Variants in DNAH14 observed in about 807,000 individuals in gnomAD.
DNAH14 encodes dynein axonemal heavy chain 14, also known as axonemal beta dynein heavy chain 14.
Under a neutral mutation model 520.9 loss-of-function variants are expected in DNAH14, and 478 were observed. The ratio of observed to expected loss-of-function variants is 0.92; its 90% CI spans 0.85 to 0.99. The LOEUF (loss-of-function observed/expected upper bound fraction) is 0.99, where lower values mean the gene tolerates loss of function less well. DNAH14 is among the 50% of genes least tolerant of loss of function. DNAH14 has a pLI of 0.00. For synonymous variants in DNAH14, 1,581 were observed against 1,757.2 expected (o/e 0.90, Z 2.51); for missense variants, 4,831 against 5,234.5 (o/e 0.92, Z 2.38).
chr1:225,228,710 T>C (rs905815264), intron 41 of DNAH14, among the ~76,000 whole-genome samples: 1 of 152,146 alleles, frequency 6.6e-6, no homozygotes, highest in East Asian at 1.9e-4. Flanking sequence ...ATACGAGTTA[T>C]AACCACTGCG....
At position 225,082,836 on chromosome 1, in the gene DNAH14, G is replaced by C. The variant is rs577574147; in HGVS notation, c.3327+97G>C. On this transcript the variant is annotated intron_variant, in intron 20 of 85. Transcript: ENST00000682510. ...TATACAATGGATAGGAATTAGGAAA[G>C]GAAGTTTATAAGAGTGCCTGGGAAA... The C allele has an allele frequency of 7.7e-6, 8 of 1,041,598 alleles. No individual in the cohort carries two copies. In the South Asian group the frequency reaches 1.4e-4, roughly 18 times the overall value. The allele number at this position is 1,041,598 out of a possible 1,614,324, so 64.5% of individuals were successfully genotyped here. A position where few individuals can be genotyped will look rare whatever the true frequency, so the allele number is the denominator to read the frequency against.
rs769141352 is a variant in DNAH14 at position 225,265,239 on chromosome 1, A to G, written c.7280A>G (p.Asp2427Gly). The part of the protein sequence containing the change: ...RTNKKLLKNN[D>G]HKGVVVSTIN... ...AATAAAAAGTTACTTAAAAATAATG[A>G]TCATAAAGGAGTTGTAGTCTCTACA... Residue 2427 changes from aspartate to glycine, a missense_variant, in exon 48 of 86, where the codon GAT (aspartate) becomes GGT (glycine). Asp to Gly is a moderately conservative substitution (Grantham distance 94). Coordinates refer to ENST00000682510, the MANE Select transcript of DNAH14 (RefSeq NM_001367479.1). 1 of 1,524,068 alleles carries G rather than the reference A, an allele frequency of 6.6e-7. No individual in the cohort carries two copies. Among genetic ancestry groups the G allele is most frequent in the Middle Eastern group, 1.7e-4 (1 of 5,870 alleles). 94.4% of individuals were successfully genotyped at this position (1,524,068 alleles called of 1,614,324 possible).
intron 68 of DNAH14, among the ~76,000 whole-genome samples, chr1:225,338,551 C>G (rs2095110700): frequency 6.6e-6 from 1 of 152,072 alleles, no homozygotes; most frequent in Non-Finnish European, 1.5e-5. Flanking sequence ...AAAACACACA[C>G]ACACAAAATC....
At chr1:225,080,268 C>A (rs1018048705) in intron 18 of DNAH14, 111 bp from the exon 19 acceptor site, 9 of 1,080,140 alleles carry the variant, frequency 8.3e-6, no homozygotes, top group Non-Finnish European at 8.9e-6. Context: ...CAGTTTCACT[C>A]ACTTATCAGG....
intron 55 of DNAH14, among the ~76,000 whole-genome samples, chr1:225,300,385 T>G (rs1018740340): frequency 6.6e-6 from 1 of 152,148 alleles, no homozygotes; most frequent in Non-Finnish European, 1.5e-5. Context: ...TGAAGCTTAT[T>G]TTGACTCAGA....
intron 37 of DNAH14, among the ~76,000 whole-genome samples, chr1:225,192,065 T>C (rs1402921659): frequency 1.3e-5 from 2 of 152,102 alleles, no homozygotes; most frequent in Non-Finnish European, 1.5e-5. Context: ...CTCAGGTCTT[T>C]GTGCATACAT....
chr1:225,081,833 A>G (rs188461389), intron 19 of DNAH14, among the ~76,000 whole-genome samples: 1 of 152,282 alleles, frequency 6.6e-6, no homozygotes, highest in Non-Finnish European at 1.5e-5. Context: ...GTGGTTTGTC[A>G]ATGCCAGAGG....
At chr1:225,271,473 G>A (rs747913746) in intron 50 of DNAH14, among the ~76,000 whole-genome samples, 14 of 152,008 alleles carry the variant, frequency 9.2e-5, no homozygotes, top group Non-Finnish European at 1.8e-4. Flanking sequence ...ATTTCAAGTT[G>A]AGTCATCTTT....
chr1:225,220,152 A>T (rs1334660769), intron 41 of DNAH14, among the ~76,000 whole-genome samples: 1 of 152,076 alleles, frequency 6.6e-6, no homozygotes, highest in South Asian at 2.1e-4. Context: ...TTGATAGAAC[A>T]TATCTCAAAA....
At chr1:225,377,586 C>T (rs1049129977) in intron 79 of DNAH14, 150 bp downstream of exon 79, 35 of 718,608 alleles carry the variant, frequency 4.9e-5, no homozygotes, top group Admixed American at 6.6e-5. Context: ...ATGGTGAAAC[C>T]CTGTCTCTAC....
chr1:225,348,857 CTT>C (rs578193266), intron 71 of DNAH14, among the ~76,000 whole-genome samples: 4 of 152,140 alleles, frequency 2.6e-5, no homozygotes, highest in Non-Finnish European at 5.9e-5. Flanking sequence ...GTGAATGTAA[CTT>C]AAGTTACAAA....
intron 19 of DNAH14, among the ~76,000 whole-genome samples, chr1:225,081,779 A>G (rs546235372): frequency 1.3e-5 from 2 of 152,124 alleles, no homozygotes; most frequent in Admixed American, 1.3e-4. Context: ...AAAGGTTGTA[A>G]GAGTTGAACC....
intron 8 of DNAH14, 115 bp downstream of exon 8, chr1:224,974,268 T>C: frequency 1.7e-6 from 1 of 598,336 alleles, no homozygotes; most frequent in Non-Finnish European, 2.6e-6. Context: ...TCACATTCCA[T>C]TGCTTTACGA....
rs1575152692 is a variant in DNAH14 at position 225,388,481 on chromosome 1, A to G, written c.13180A>G (p.Ile4394Val). The change falls in exon 82 of 86, where the codon ATA (isoleucine) becomes GTA (valine). Residue 4394 changes from isoleucine to valine, a missense_variant. Ile to Val is a conservative substitution (Grantham distance 29). Coordinates refer to ENST00000682510, the MANE Select transcript of DNAH14 (RefSeq NM_001367479.1). ...NTWAKVAYTA[I>V]QRRYMRFVTV... ...TTGGGCCAAAGTGGCTTATACTGCA[A>G]TACAGCGTCGGTATGGATAAAAGAT... 1 of 1,503,460 alleles carries G rather than the reference A, an allele frequency of 6.7e-7. No individual in the cohort carries two copies. Among genetic ancestry groups the G allele is most frequent in the Non-Finnish European group, 9.0e-7 (1 of 1,108,744 alleles). The allele number at this position is 1,503,460 out of a possible 1,614,324, so 93.1% of individuals were successfully genotyped here.
intron 38 of DNAH14, among the ~76,000 whole-genome samples, chr1:225,196,493 T>A (rs2086151899): frequency 6.6e-6 from 1 of 152,206 alleles, no homozygotes; most frequent in Non-Finnish European, 1.5e-5. Context: ...TGCAAATACC[T>A]TTTTCATGTA....
At chr1:225,236,738 T>C (rs1019855208) in intron 42 of DNAH14, among the ~76,000 whole-genome samples, 13 of 152,206 alleles carry the variant, frequency 8.5e-5, no homozygotes, top group African/African-American at 2.7e-4. Flanking sequence ...AGGAATAGCA[T>C]TGATCTATAA....
intron 55 of DNAH14, among the ~76,000 whole-genome samples, chr1:225,294,674 A>T (rs1212695120): frequency 6.6e-6 from 1 of 152,070 alleles, no homozygotes; most frequent in Non-Finnish European, 1.5e-5. Flanking sequence ...TACAAAAAAA[A>T]TTAGCCTGGT....
chr1:225,057,326 C>T (rs1381342824), intron 17 of DNAH14, among the ~76,000 whole-genome samples: 1 of 151,856 alleles, frequency 6.6e-6, no homozygotes, highest in Admixed American at 6.6e-5. Context: ...TGATTTGGCT[C>T]TCTGTCTGTT....
intron 53 of DNAH14, 42 bp from the exon 54 acceptor site, chr1:225,277,368 C>T: frequency 2.3e-6 from 1 of 441,086 alleles, no homozygotes; most frequent in Non-Finnish European, 4.7e-6. Context: ...TTTGATTTTT[C>T]TGTACCTATA....
Sources: gnomAD v4.1 joint callset for allele counts (sites outside exome capture counted in the v4.1 genomes callset) on GRCh38, gnomAD v4.1.1 for gene constraint, MANE v1.5 for transcripts, NCBI Gene and HGNC (gene_info 2026-07-23, HGNC 2026-07-21) for gene names.